The following INVS variants were observed in gnomAD, a reference collection of about 807,000 sequenced individuals.
The protein encoded by INVS is inversion of embryo turning homolog.
Under a neutral mutation model 108.8 loss-of-function variants are expected in INVS, and 86 were observed. The observed-to-expected ratio is 0.79, with a 90% CI of 0.66 to 0.95. INVS has a LOEUF of 0.95. INVS is among the 40% of genes least tolerant of loss of function. The pLI is 0.00. For synonymous variants in INVS, 455 were observed against 473.5 expected, an observed-to-expected ratio of 0.96 and a Z score of 0.51; for missense variants, 1,169 against 1,297.4, an observed-to-expected ratio of 0.90 and a Z score of 1.52.
At chr9:100,105,545 G>T (rs560298709) in intron 2 of INVS, among the ~76,000 whole-genome samples, 64 of 152,100 alleles carry the variant, frequency 4.2e-4, no homozygotes, top group African/African-American at 1.4e-3. Context: ...CAAAACTATT[G>T]TATCTCACAC....
At chr9:100,222,400 C>T (rs1423305243) in intron 3 of INVS, among the ~76,000 whole-genome samples, 1 of 152,128 alleles carries the variant, frequency 6.6e-6, no homozygotes, top group Non-Finnish European at 1.5e-5. Flanking sequence ...GATGATACTT[C>T]TGTGAGAAAC....
chr9:100,124,260 G>A (rs1827816155), intron 2 of INVS, among the ~76,000 whole-genome samples: 1 of 151,320 alleles, frequency 6.6e-6, no homozygotes, highest in Non-Finnish European at 1.5e-5. Flanking sequence ...TTTTATCACA[G>A]TCTGTATTTT....
intron 3 of INVS, among the ~76,000 whole-genome samples, chr9:100,183,869 T>C (rs1829973593): frequency 6.6e-6 from 1 of 151,446 alleles, no homozygotes; most frequent in South Asian, 2.1e-4. Flanking sequence ...TTTTTCTTAA[T>C]TTCTTTAAAA....
chr9:100,274,441 A>G (rs1368872096), intron 12 of INVS, among the ~76,000 whole-genome samples: 1 of 152,276 alleles, frequency 6.6e-6, no homozygotes, highest in East Asian at 1.9e-4. Flanking sequence ...AAGTATTTCA[A>G]ATAGCAGCAG....
intron 3 of INVS, among the ~76,000 whole-genome samples, chr9:100,161,142 G>A (rs951156607): frequency 4.0e-5 from 6 of 151,804 alleles, no homozygotes; most frequent in East Asian, 3.9e-4. Context: ...TTGGGAGGCC[G>A]AGTTGGGGGG....
At chr9:100,180,808 C>T (rs1282698224) in intron 3 of INVS, among the ~76,000 whole-genome samples, 1 of 152,122 alleles carries the variant, frequency 6.6e-6, no homozygotes, top group Non-Finnish European at 1.5e-5. Context: ...ACACCAAAAC[C>T]TGGCAGAGAC....
At chr9:100,248,109 T>C (rs1832104197) in intron 8 of INVS, among the ~76,000 whole-genome samples, 1 of 152,108 alleles carries the variant, frequency 6.6e-6, no homozygotes, top group South Asian at 2.1e-4. Flanking sequence ...TGAGCCACCG[T>C]GCCCGGCCAG....
At chr9:100,240,350 C>A (rs1831827834) in intron 6 of INVS, 110 bp downstream of exon 6, 2 of 770,964 alleles carry the variant, frequency 2.6e-6, no homozygotes, top group Non-Finnish European at 4.5e-6. Context: ...ATTTTGATTT[C>A]TAACTGATAT....
At chr9:100,180,480 A>G (rs1829856714) in intron 3 of INVS, among the ~76,000 whole-genome samples, 1 of 152,194 alleles carries the variant, frequency 6.6e-6, no homozygotes. Flanking sequence ...ACAGACTACC[A>G]TCAGAGAATA....
intron 3 of INVS, among the ~76,000 whole-genome samples, chr9:100,148,911 G>A (rs1828717155): frequency 6.6e-6 from 1 of 152,154 alleles, no homozygotes; most frequent in African/African-American, 2.4e-5. Flanking sequence ...ACTGTGTTAT[G>A]TAAATGAACT....
In INVS at chr9:100,253,073, C is replaced by T. The variant is rs1377027576; in HGVS notation, c.1401C>T (p.Gly467=). ...RTPLQCAAYG[G]YINCMAVLME... is the part of the protein sequence containing the mutation. ...CTTTGCAGTGTGCAGCATATGGAGG[C>T]TATATCAACTGCATGGCAGTTCTCA... The change falls in exon 10 of 17, where the codon GGC becomes GGT. Residue 467 remains glycine, a synonymous_variant. Coordinates refer to ENST00000262457, the MANE Select transcript of INVS (RefSeq NM_014425.5). 1 of 1,613,928 alleles carries T rather than the reference C, an allele frequency of 6.2e-7. No individual in the cohort carries two copies. Among genetic ancestry groups the T allele is most frequent in the Middle Eastern group, 1.6e-4 (1 of 6,062 alleles).
chr9:100,273,977 CT>C lies in INVS; in HGVS notation c.1784+902del, dbSNP rs555386772. ...GGCAACTAAAAAAGCAAAATCCCCC[CT>C]GCCTCAAGGACTTCGCATTTTTTTT... On this transcript the variant is annotated intron_variant, in intron 12 of 16. Coordinates refer to ENST00000262457, the MANE Select transcript of INVS (RefSeq NM_014425.5). Among the ~76,000 whole-genome samples, 16 of 152,318 alleles carry C rather than the reference CT, an allele frequency of 1.1e-4. No individual in the cohort carries two copies. The East Asian group carries it at 2.7e-3, about 26-fold the overall frequency.
chr9:100,226,338 C>A, intron 4 of INVS, 103 bp downstream of exon 4: 1 of 867,602 alleles, frequency 1.2e-6, no homozygotes, highest in Non-Finnish European at 1.8e-6. Context: ...CACATATATA[C>A]ATGGTAGAAC....
chr9:100,164,913 T>TA (rs1829312425), intron 3 of INVS, among the ~76,000 whole-genome samples: 1 of 150,130 alleles, frequency 6.7e-6, no homozygotes, highest in Non-Finnish European at 1.5e-5. Context: ...TTTTTTTTTT[T>TA]ACAACTTTTT....
intron 3 of INVS, among the ~76,000 whole-genome samples, chr9:100,140,737 C>T (rs1779286740): frequency 6.6e-6 from 1 of 152,076 alleles, no homozygotes; most frequent in Non-Finnish European, 1.5e-5. Flanking sequence ...GTGTGGGAAC[C>T]TAGAATGGGA....
In INVS at chr9:100,226,052, T is replaced by G. The variant is rs751547848; in HGVS notation, c.274-10T>G. ...CATTTTTTTCTTATCATCTCTTGTT[T>G]TTTATTTAGGGAAATTATCGTTTCA... On this transcript the variant is annotated splice_polypyrimidine_tract_variant and intron_variant, in intron 3 of 16. Coordinates refer to ENST00000262457, the MANE Select transcript of INVS (RefSeq NM_014425.5). 6.2e-7 allele frequency: 1 copy of G among 1,605,258 alleles called. No individual in the cohort carries two copies. The highest frequency in any genetic ancestry group is 2.2e-5 in the East Asian group (1 of 44,806).
chr9:100,117,097 G>A (rs2761053), intron 2 of INVS: 712,660 of 1,162,296 alleles, frequency 0.61, 225,742 homozygotes, highest in East Asian at 0.93. Flanking sequence ...TGCAAGGGAC[G>A]GTGTGGGGCT....
chr9:100,187,636 C>T (rs1056821227), intron 3 of INVS, among the ~76,000 whole-genome samples: 1 of 150,552 alleles, frequency 6.6e-6, no homozygotes, highest in Non-Finnish European at 1.5e-5. Context: ...AAGCGATTCT[C>T]CTGCCTCAGC....
chr9:100,108,232 C>A (rs1220625699), intron 2 of INVS, among the ~76,000 whole-genome samples: 1 of 152,078 alleles, frequency 6.6e-6, no homozygotes, highest in Non-Finnish European at 1.5e-5. Context: ...TGAAAATCCC[C>A]AAAGAGAAAA....
Sources: allele counts gnomAD v4.1 joint callset (sites outside exome capture counted in the v4.1 genomes callset), GRCh38; gene constraint gnomAD v4.1.1; transcripts MANE v1.5; gene names NCBI Gene and HGNC (gene_info 2026-07-23, HGNC 2026-07-21).